Variants in STAM2 observed in about 807,000 individuals in gnomAD.
STAM2 encodes the protein signal transducing adapter molecule 2.
A neutral mutation model predicts 65.6 loss-of-function variants in STAM2; 51 were observed. The ratio of observed to expected loss-of-function variants is 0.78; its 90% CI spans 0.62 to 0.98. STAM2 has a LOEUF of 0.98. Ranked by LOEUF, STAM2 falls within the 50% of genes least tolerant of loss-of-function variation. STAM2 has a pLI of 0.00. For missense variants in STAM2, 584 were observed against 617.8 expected (o/e 0.95, Z 0.58); for synonymous variants, 198 against 208.4 (o/e 0.95, Z 0.43).
At chr2:152,172,187 C>CA (rs1689908381) in intron 1 of STAM2, among the ~76,000 whole-genome samples, 1 of 151,878 alleles carries the variant, frequency 6.6e-6, no homozygotes, top group Admixed American at 6.6e-5. Context: ...TTAAACAAAA[C>CA]AAAAAAATGA....
chr2:152,144,084 A>G, intron 6 of STAM2, 71 bp from the exon 7 acceptor site: 1 of 1,358,624 alleles, frequency 7.4e-7, no homozygotes, highest in Non-Finnish European at 1.0e-6. Context: ...ATGACAATGT[A>G]AAATTTAATA....
intron 11 of STAM2, 71 bp downstream of exon 11, chr2:152,132,043 C>T (rs1689073316): frequency 8.8e-7 from 1 of 1,140,944 alleles, no homozygotes; most frequent in Non-Finnish European, 1.3e-6. Flanking sequence ...ACTTTCCCTA[C>T]TTTACTGTTT....
chr2:152,135,437 T>C, intron 8 of STAM2, 72 bp downstream of exon 8: 1 of 1,072,992 alleles, frequency 9.3e-7, no homozygotes. Flanking sequence ...CTACTTTACA[T>C]CCAAAACTGA....
intron 7 of STAM2, 119 bp downstream of exon 7, chr2:152,143,708 C>A (rs1294738294): frequency 4.5e-6 from 3 of 663,888 alleles, no homozygotes; most frequent in East Asian, 3.1e-5. Flanking sequence ...TTAGAAAAAA[C>A]AAGGTATGAA....
rs562010856 is a variant in STAM2, at chr2:152,120,377, C to T, written c.*197G>A. On this transcript the variant is annotated 3_prime_UTR_variant, in exon 14 of 14. Transcript: ENST00000263904. ...AAGCTGCCTCTGATGAAAAGATTGA[C>T]TTCAAACAAACTGGACTGAAAAAAA... 150 of 537,308 alleles carry T rather than the reference C, an allele frequency of 2.8e-4. 1 individual carries two copies. In the African/African-American group the frequency reaches 3.0e-3, roughly 11 times the overall value. 33.3% of individuals were successfully genotyped at this position (537,308 alleles called of 1,614,324 possible).
chr2:152,137,550 T>A (rs1204382595), intron 7 of STAM2, among the ~76,000 whole-genome samples: 2 of 152,308 alleles, frequency 1.3e-5, no homozygotes, highest in African/African-American at 4.8e-5. Flanking sequence ...GCAGAGAACT[T>A]CTTCTAGGCT....
At chr2:152,123,668 A>G (rs890561106) in intron 13 of STAM2, 98 bp downstream of exon 13, 8 of 1,178,290 alleles carry the variant, frequency 6.8e-6, no homozygotes, top group Non-Finnish European at 9.6e-6. Context: ...ATGAATAAAC[A>G]GTTCTGTAAC....
intron 1 of STAM2, among the ~76,000 whole-genome samples, chr2:152,169,737 C>A (rs898974493): frequency 1.3e-5 from 2 of 152,020 alleles, no homozygotes; most frequent in Non-Finnish European, 2.9e-5. Context: ...ATCAGATAGG[C>A]ATAAATTAGA....
At chr2:152,171,926 C>A (rs936415280) in intron 1 of STAM2, among the ~76,000 whole-genome samples, 1 of 152,182 alleles carries the variant, frequency 6.6e-6, no homozygotes, top group Non-Finnish European at 1.5e-5. Flanking sequence ...GGAGTTAAGG[C>A]TTAGAACAGA....
chr2:152,145,092 G>C (rs1369455779), intron 5 of STAM2, 135 bp from the exon 6 acceptor site: 1 of 704,128 alleles, frequency 1.4e-6, no homozygotes, highest in Non-Finnish European at 2.5e-6. Context: ...TCTTTTTTGA[G>C]ACAGGGTCTC....
chr2:152,155,922 T>C (rs1375612143), intron 1 of STAM2, among the ~76,000 whole-genome samples: 1 of 152,234 alleles, frequency 6.6e-6, no homozygotes, highest in African/African-American at 2.4e-5. Flanking sequence ...TTTAAGAATC[T>C]ATCCTTTCTT....
At chr2:152,140,177 G>C (rs1015403798) in intron 7 of STAM2, among the ~76,000 whole-genome samples, 2 of 152,150 alleles carry the variant, frequency 1.3e-5, no homozygotes, top group Non-Finnish European at 2.9e-5. Context: ...AAAAAGCAGA[G>C]AAAGGTTGAA....
intron 11 of STAM2, among the ~76,000 whole-genome samples, chr2:152,128,007 G>C (rs1390849982): frequency 6.6e-6 from 1 of 152,158 alleles, no homozygotes; most frequent in Non-Finnish European, 1.5e-5. Flanking sequence ...GTCCTATCAA[G>C]ATTTGTCACT....
At chr2:152,151,326 C>T (rs756387505) in intron 1 of STAM2, among the ~76,000 whole-genome samples, 4 of 152,102 alleles carry the variant, frequency 2.6e-5, no homozygotes, top group East Asian at 1.9e-4. Context: ...AGACTACAGG[C>T]GCCTGCCACC....
intron 11 of STAM2, 98 bp downstream of exon 11, chr2:152,132,016 T>G: frequency 1.3e-6 from 1 of 761,624 alleles, no homozygotes; most frequent in Non-Finnish European, 2.1e-6. Context: ...TTCCATGAAT[T>G]GTACAGTTCC....
intron 1 of STAM2, among the ~76,000 whole-genome samples, chr2:152,152,555 A>C (rs545029205): frequency 2.2e-4 from 31 of 142,796 alleles, no homozygotes; most frequent in East Asian, 4.2e-4. Flanking sequence ...TCTCAAAAAA[A>C]AACAACAAAA....
intron 7 of STAM2, among the ~76,000 whole-genome samples, chr2:152,142,853 T>C (rs573721405): frequency 3.5e-4 from 53 of 152,314 alleles, no homozygotes; most frequent in African/African-American, 1.3e-3. Context: ...ACCTTCCTTT[T>C]CCCATCCTCA....
In STAM2 at chr2:152,119,928, T is replaced by G. The variant is rs976878297; in HGVS notation, c.*646A>C. 2 of 152,640 alleles carry G rather than the reference T, an allele frequency of 1.3e-5. No individual in the cohort carries two copies. The highest frequency in any genetic ancestry group is 4.8e-5 in the African/African-American group (2 of 41,446). 9.5% of individuals were successfully genotyped at this position (152,640 alleles called of 1,614,324 possible). A position where few individuals can be genotyped will look rare whatever the true frequency, so the allele number is the denominator to read the frequency against. On this transcript the variant is annotated 3_prime_UTR_variant, in exon 14 of 14. Transcript: ENST00000263904. ...CTTGCTTCTGTAGACAATTATATGC[T>G]AATTATTATTCAACATAACAGTGAG... is the stretch of plus-strand genomic sequence containing the variant.
intron 8 of STAM2, among the ~76,000 whole-genome samples, chr2:152,135,142 C>T (rs974469976): frequency 3.3e-5 from 5 of 152,328 alleles, no homozygotes; most frequent in African/African-American, 1.2e-4. Flanking sequence ...ACACCACTCC[C>T]GCTTTGCCTC....
Sources: gnomAD v4.1 joint callset for allele counts (sites outside exome capture counted in the v4.1 genomes callset) on GRCh38, gnomAD v4.1.1 for gene constraint, MANE v1.5 for transcripts, NCBI Gene and HGNC (gene_info 2026-07-23, HGNC 2026-07-21) for gene names.